The following DAAM2 variants were observed in gnomAD, a reference collection of about 807,000 sequenced individuals.
DAAM2 encodes dishevelled associated activator of morphogenesis 2.
DAAM2 carries 39 observed loss-of-function variants against 120.7 expected under a neutral mutation model. The ratio of observed to expected loss-of-function variants is 0.32; its 90% CI spans 0.25 to 0.42. DAAM2 has a LOEUF of 0.42. Ranked by LOEUF, DAAM2 falls within the 10% of genes least tolerant of loss-of-function variation. The probability of loss-of-function intolerance (pLI) is 1.00; values close to 1 mark genes in which losing one functional copy is unlikely to be tolerated. For synonymous variants in DAAM2, 488 were observed against 524.9 expected (o/e 0.93, Z 0.96); for missense variants, 1,283 against 1,401.7 (o/e 0.92, Z 1.35).
intron 19 of DAAM2, among the ~76,000 whole-genome samples, chr6:39,895,227 CTTATTTAT>C (rs59537611): frequency 2.9e-5 from 4 of 137,652 alleles, no homozygotes; most frequent in Admixed American, 7.2e-5. Context: ...ACTTTATTTA[CTTATTTAT>C]TTATTTATTT....
intron 6 of DAAM2, 130 bp from the exon 7 acceptor site, chr6:39,868,693 C>T: frequency 1.5e-6 from 1 of 681,536 alleles, no homozygotes. Flanking sequence ...GTAAATTGGA[C>T]AGACCTGATT....
intron 19 of DAAM2, among the ~76,000 whole-genome samples, chr6:39,892,135 A>G (rs1288203698): frequency 6.6e-6 from 1 of 152,230 alleles, no homozygotes; most frequent in Non-Finnish European, 1.5e-5. Flanking sequence ...AGTGTGAGCC[A>G]TTCAGAAAGT....
intron 1 of DAAM2, among the ~76,000 whole-genome samples, chr6:39,836,184 A>C (rs1318354358): frequency 1.3e-5 from 2 of 152,062 alleles, no homozygotes; most frequent in Non-Finnish European, 1.5e-5. Flanking sequence ...CCTCATTCTC[A>C]GTTCTGTGCA....
chr6:39,870,278 C>G, intron 7 of DAAM2, 62 bp from the exon 8 acceptor site: 8 of 1,040,678 alleles, frequency 7.7e-6, no homozygotes, highest in Non-Finnish European at 1.2e-5. Context: ...GAGGGCTCCA[C>G]TGGGGATGTT....
intron 1 of DAAM2, among the ~76,000 whole-genome samples, chr6:39,817,177 C>G (rs1265842476): frequency 1.3e-5 from 2 of 152,166 alleles, no homozygotes; most frequent in East Asian, 3.9e-4. Flanking sequence ...AACTATGCAG[C>G]TGGAGGAAGG....
intron 1 of DAAM2, among the ~76,000 whole-genome samples, chr6:39,812,106 G>C (rs1260196615): frequency 1.3e-5 from 2 of 152,190 alleles, no homozygotes; most frequent in Non-Finnish European, 2.9e-5. Flanking sequence ...ATGTTAGGAG[G>C]GGAATATAAG....
At chr6:39,843,115 A>C (rs1234188178) in intron 1 of DAAM2, among the ~76,000 whole-genome samples, 2 of 152,308 alleles carry the variant, frequency 1.3e-5, no homozygotes, top group East Asian at 3.9e-4. Flanking sequence ...TTAAATTGAC[A>C]GATAACAGTG....
intron 1 of DAAM2, among the ~76,000 whole-genome samples, chr6:39,818,369 G>A (rs1368583342): frequency 2.0e-5 from 3 of 152,004 alleles, no homozygotes; most frequent in Admixed American, 1.3e-4. Context: ...GTGTGTAATC[G>A]GGGGTGGGGA....
At chr6:39,810,592 C>G (rs1349717502) in intron 1 of DAAM2, among the ~76,000 whole-genome samples, 6 of 152,118 alleles carry the variant, frequency 3.9e-5, no homozygotes. Context: ...CAGCCCACCT[C>G]TCCCCTGCAT....
At chr6:39,859,228 G>A (rs770285535) in intron 2 of DAAM2, among the ~76,000 whole-genome samples, 2 of 152,210 alleles carry the variant, frequency 1.3e-5, no homozygotes, top group Non-Finnish European at 2.9e-5. Context: ...GTGAGTGGGT[G>A]CAGATGCCTG....
intron 11 of DAAM2, 67 bp downstream of exon 11, chr6:39,875,535 A>C: frequency 8.4e-6 from 13 of 1,546,668 alleles, no homozygotes; most frequent in Non-Finnish European, 1.1e-5. Context: ...CTCTGGTCTC[A>C]CCAGCGAAAC....
chr6:39,879,464 T>A lies in DAAM2; in HGVS notation c.1832T>A (p.Val611Glu). 1 of 1,613,948 alleles carries A rather than the reference T, an allele frequency of 6.2e-7. No individual in the cohort carries two copies. The highest frequency in any genetic ancestry group is 8.5e-7 in the Non-Finnish European group (1 of 1,179,878). Residue 611 changes from valine to glutamate, a missense_variant, in exon 14 of 25, where the codon GTG becomes GAG. By Grantham distance (121) the Val-to-Glu change is moderately radical (BLOSUM62 -2). Coordinates refer to ENST00000274867, the MANE Select transcript of DAAM2 (RefSeq NM_001201427.2). ...PSHPLKSFNW[V>E]KLNEERVPGT... is the part of the protein sequence containing the mutation. ...CACCCACTGAAGTCCTTCAACTGGG[T>A]GAAGCTGAATGAGGTGAGCATCTGG... is the stretch of plus-strand genomic sequence containing the variant.
chr6:39,834,614 G>A (rs903688556), intron 1 of DAAM2, among the ~76,000 whole-genome samples: 1 of 152,120 alleles, frequency 6.6e-6, no homozygotes, highest in African/African-American at 2.4e-5. Flanking sequence ...GGGTATCTGG[G>A]CACCACCTAA....
Position 39,867,654 on chromosome 6 carries a change from G to T in DAAM2, c.573G>T (p.Arg191=). The change falls in exon 6 of 25, where the codon CGG becomes CGT. Residue 191 remains arginine, a synonymous_variant. Coordinates refer to ENST00000274867, the MANE Select transcript of DAAM2 (RefSeq NM_001201427.2). ...CATTGATGAACAACTCCCAGGGGCGGGCACATGTGCTGGCACAGCCTGAGG... is the reference window on the plus strand; with the variant it reads ...CATTGATGAACAACTCCCAGGGGCGTGCACATGTGCTGGCACAGCCTGAGG... The part of the protein sequence containing the change: ...IKALMNNSQG[R]AHVLAQPEAI... The T allele has an allele frequency of 6.2e-7, 1 of 1,614,030 alleles. No individual in the cohort carries two copies. The highest frequency in any genetic ancestry group is 8.5e-7 in the Non-Finnish European group (1 of 1,179,894).
chr6:39,881,988 C>T (rs896974077), intron 14 of DAAM2: 8 of 151,956 alleles, frequency 5.3e-5, no homozygotes, highest in African/African-American at 1.7e-4. Flanking sequence ...GGGCTGGGAG[C>T]GTCAGCCAGC....
At chr6:39,898,791 G>T in intron 21 of DAAM2, 86 bp from the exon 22 acceptor site, 1 of 1,167,636 alleles carries the variant, frequency 8.6e-7, no homozygotes, top group Non-Finnish European at 1.3e-6. Flanking sequence ...CACTGTGCTT[G>T]GCTCTGCCCT....
chr6:39,797,137 C>T (rs928150889), intron 1 of DAAM2, among the ~76,000 whole-genome samples: 3 of 152,158 alleles, frequency 2.0e-5, no homozygotes, highest in African/African-American at 7.2e-5. Flanking sequence ...CCATGTGACC[C>T]TCTATTGGAA....
At chr6:39,842,913 A>G (rs977696011) in intron 1 of DAAM2, among the ~76,000 whole-genome samples, 3 of 152,016 alleles carry the variant, frequency 2.0e-5, no homozygotes, top group Non-Finnish European at 4.4e-5. Context: ...GAGCAAGTCT[A>G]TTCTTTACTA....
At chr6:39,873,119 G>T (rs933016794) in intron 9 of DAAM2, 119 bp from the exon 10 acceptor site, 3 of 673,286 alleles carry the variant, frequency 4.5e-6, no homozygotes, top group Admixed American at 2.2e-5. Context: ...TGGGCCAGAG[G>T]CAGGGGAAGA....
Sources: allele counts gnomAD v4.1 joint callset (sites outside exome capture counted in the v4.1 genomes callset), GRCh38; gene constraint gnomAD v4.1.1; transcripts MANE v1.5; gene names NCBI Gene and HGNC (gene_info 2026-07-23, HGNC 2026-07-21).